PRKG1: variants seen among roughly 807,000 people sequenced by gnomAD.
PRKG1 encodes cGMP-dependent protein kinase 1.
PRKG1 carries 35 observed loss-of-function variants against 88.1 expected under a neutral mutation model. That is an observed-to-expected ratio of 0.40 (90% confidence interval 0.30 to 0.53). The LOEUF is 0.53. PRKG1 is among the 20% of genes least tolerant of loss of function. The pLI is 0.59. For missense variants in PRKG1, 540 were observed against 839.8 expected (o/e 0.64, Z 4.41); for synonymous variants, 303 against 292.5 (o/e 1.04, Z -0.37).
At chr10:52,086,407 AT>A (rs34889827) in intron 7 of PRKG1, among the ~76,000 whole-genome samples, 30,954 of 139,996 alleles carry the variant, frequency 0.22, 3,462 homozygotes, top group African/African-American at 0.34. Flanking sequence ...TATAGGTATG[AT>A]TTTTTTTTTT....
chr10:51,645,026 G>T (rs1311884108), intron 3 of PRKG1, among the ~76,000 whole-genome samples: 1 of 152,118 alleles, frequency 6.6e-6, no homozygotes, highest in Non-Finnish European at 1.5e-5. Flanking sequence ...AACCTAAAGT[G>T]AGCCAGACTG....
chr10:51,763,285 G>A (rs996841973), intron 3 of PRKG1, among the ~76,000 whole-genome samples: 13 of 151,842 alleles, frequency 8.6e-5, no homozygotes, highest in Admixed American at 2.0e-4. Flanking sequence ...AGGCTAGAGC[G>A]TGGTGGCACA....
At chr10:51,722,449 T>C (rs143618410) in intron 3 of PRKG1, among the ~76,000 whole-genome samples, 7 of 151,858 alleles carry the variant, frequency 4.6e-5, no homozygotes, top group Middle Eastern at 6.9e-3. Context: ...TTATTTATCA[T>C]ATATATATTT....
At chr10:51,994,231 A>G (rs1844380748) in intron 5 of PRKG1, among the ~76,000 whole-genome samples, 2 of 152,110 alleles carry the variant, frequency 1.3e-5, no homozygotes, top group Admixed American at 6.6e-5. Flanking sequence ...TACAGAGTAT[A>G]ATTAATTTGC....
intron 5 of PRKG1, among the ~76,000 whole-genome samples, chr10:52,018,973 G>GA (rs35312171): frequency 0.8 from 120,919 of 151,980 alleles, 48,249 homozygotes; most frequent in Non-Finnish European, 0.82. Flanking sequence ...AATTTATGAA[G>GA]AAAAGGGTTC....
chr10:52,192,518 G>A (rs1184428973), intron 9 of PRKG1, among the ~76,000 whole-genome samples: 1 of 152,038 alleles, frequency 6.6e-6, no homozygotes, highest in African/African-American at 2.4e-5. Context: ...CAAACTACAT[G>A]TATGATTCTT....
At chr10:52,069,477 A>G (rs1264387073) in intron 7 of PRKG1, among the ~76,000 whole-genome samples, 5 of 152,158 alleles carry the variant, frequency 3.3e-5, no homozygotes, top group Non-Finnish European at 7.4e-5. Flanking sequence ...GTTGCAGTGA[A>G]TGAGATCACA....
upstream of PRKG1, among the ~76,000 whole-genome samples, chr10:51,069,620 C>T (rs548503713): frequency 1.6e-4 from 24 of 152,124 alleles, no homozygotes; most frequent in African/African-American, 5.8e-4. Context: ...TGATTGCTTT[C>T]CTAAAACATA....
At chr10:51,280,799 G>C (rs529639045) in intron 2 of PRKG1, among the ~76,000 whole-genome samples, 1 of 152,190 alleles carries the variant, frequency 6.6e-6, no homozygotes, top group South Asian at 2.1e-4. Context: ...GCTTCTTTGC[G>C]ATGGGTTCGA....
intron 1 of PRKG1, among the ~76,000 whole-genome samples, chr10:51,107,932 A>G (rs1208516494): frequency 6.6e-6 from 1 of 152,054 alleles, no homozygotes; most frequent in Non-Finnish European, 1.5e-5. Flanking sequence ...AATTTCACAG[A>G]TATTATGAGG....
intron 3 of PRKG1, among the ~76,000 whole-genome samples, chr10:51,729,849 A>ATTAGACT (rs1300982537): frequency 6.6e-6 from 1 of 151,936 alleles, no homozygotes; most frequent in African/African-American, 2.4e-5. Context: ...TTAAAAAATT[A>ATTAGACT]TTAGACTTTA....
chr10:52,037,056 G>A (rs1230948567), intron 5 of PRKG1, among the ~76,000 whole-genome samples: 1 of 152,284 alleles, frequency 6.6e-6, no homozygotes, highest in Admixed American at 6.5e-5. Context: ...AGAAGATCTG[G>A]GAAGGAGTCA....
At chr10:51,364,668 A>T (rs896225900) in intron 2 of PRKG1, among the ~76,000 whole-genome samples, 4 of 151,902 alleles carry the variant, frequency 2.6e-5, no homozygotes, top group African/African-American at 9.7e-5. Context: ...ATATAAAAAA[A>T]TTTCAGGAAA....
At chr10:52,186,810 A>G (rs557991858) in intron 9 of PRKG1, among the ~76,000 whole-genome samples, 1 of 152,262 alleles carries the variant, frequency 6.6e-6, no homozygotes, top group East Asian at 1.9e-4. Context: ...GGAAAACAAC[A>G]CTAAAATTAC....
intron 9 of PRKG1, among the ~76,000 whole-genome samples, chr10:52,192,854 ATAG>A (rs1839401040): frequency 6.6e-6 from 1 of 152,216 alleles, no homozygotes; most frequent in South Asian, 2.1e-4. Context: ...TTTAAAAAAC[ATAG>A]TAAGCTGTAG....
intron 10 of PRKG1, among the ~76,000 whole-genome samples, chr10:52,253,948 ATT>A (rs1841247313): frequency 6.6e-6 from 1 of 151,848 alleles, no homozygotes; most frequent in African/African-American, 2.4e-5. Flanking sequence ...GAATGCCTAT[ATT>A]GTCTTCAGTA....
intron 2 of PRKG1, among the ~76,000 whole-genome samples, chr10:51,154,446 G>A (rs191492932): frequency 6.6e-6 from 1 of 151,870 alleles, no homozygotes; most frequent in Non-Finnish European, 1.5e-5. Flanking sequence ...TAGAGCCAAC[G>A]TATGAAAAAT....
At chr10:51,552,657 C>G (rs913042830) in intron 3 of PRKG1, among the ~76,000 whole-genome samples, 2 of 151,600 alleles carry the variant, frequency 1.3e-5, no homozygotes, top group African/African-American at 4.8e-5. Flanking sequence ...TCACAAGAAA[C>G]AACATAAAAT....
At chr10:51,489,356 T>A (rs144405768) in intron 3 of PRKG1, among the ~76,000 whole-genome samples, 387 of 152,254 alleles carry the variant, frequency 2.5e-3, no homozygotes, top group Admixed American at 4.2e-3. Context: ...AATTTTGGGA[T>A]TTGAAGACCC....
Sources: allele counts gnomAD v4.1 joint callset (sites outside exome capture counted in the v4.1 genomes callset), GRCh38; gene constraint gnomAD v4.1.1; transcripts MANE v1.5; gene names NCBI Gene and HGNC (gene_info 2026-07-23, HGNC 2026-07-21).